The following EXT1 variants were observed in gnomAD, a reference collection of about 807,000 sequenced individuals.
EXT1 encodes the protein exostosin glycosyltransferase 1.
EXT1 carries 20 observed loss-of-function variants against 82.5 expected under a neutral mutation model. The ratio of observed to expected loss-of-function variants is 0.24; its 90% CI spans 0.17 to 0.35. The LOEUF (loss-of-function observed/expected upper bound fraction) is 0.35, where lower values mean the gene tolerates loss of function less well. Ranked by LOEUF, EXT1 falls within the 10% of genes least tolerant of loss-of-function variation. The pLI, the probability that EXT1 is intolerant of heterozygous loss-of-function variation, is 1.00. For synonymous variants in EXT1, 348 were observed against 350.8 expected (o/e 0.99, Z 0.09); for missense variants, 757 against 936.5 (o/e 0.81, Z 2.50).
chr8:117,883,116 C>G (rs535552513), intron 1 of EXT1, among the ~76,000 whole-genome samples: 1 of 152,024 alleles, frequency 6.6e-6, no homozygotes, highest in Non-Finnish European at 1.5e-5. Flanking sequence ...AAATTATGTT[C>G]GAATACTAAT....
At chr8:117,952,111 C>A (rs1029658229) in intron 1 of EXT1, among the ~76,000 whole-genome samples, 1 of 152,146 alleles carries the variant, frequency 6.6e-6, no homozygotes, top group African/African-American at 2.4e-5. Context: ...AAAAACACAG[C>A]TCCTAGTGGC....
chr8:117,884,472 G>A (rs1310935681), intron 1 of EXT1, among the ~76,000 whole-genome samples: 5 of 152,202 alleles, frequency 3.3e-5, no homozygotes, highest in Non-Finnish European at 7.3e-5. Context: ...ACTGCCAAAT[G>A]TAGAAGGTGG....
At chr8:117,962,016 G>A (rs994891061) in intron 1 of EXT1, among the ~76,000 whole-genome samples, 4 of 152,142 alleles carry the variant, frequency 2.6e-5, no homozygotes, top group African/African-American at 9.7e-5. Flanking sequence ...AAGGGTCAGT[G>A]CAGGGGAAAA....
chr8:117,844,937 C>T (rs1812329415), intron 1 of EXT1, among the ~76,000 whole-genome samples: 1 of 152,172 alleles, frequency 6.6e-6, no homozygotes, highest in East Asian at 1.9e-4. Flanking sequence ...CTCCCCACCT[C>T]CCCAGTCATG....
chr8:118,046,553 T>TG (rs1816626614), intron 1 of EXT1, among the ~76,000 whole-genome samples: 1 of 152,156 alleles, frequency 6.6e-6, no homozygotes, highest in Non-Finnish European at 1.5e-5. Flanking sequence ...AGGCAGTGAC[T>TG]GCAGAGCTCA....
At chr8:117,806,617 A>C (rs1823242159) in intron 9 of EXT1, among the ~76,000 whole-genome samples, 1 of 152,166 alleles carries the variant, frequency 6.6e-6, no homozygotes, top group South Asian at 2.1e-4. Context: ...TTCTCCTGCC[A>C]CAACACTCTT....
At position 117,795,200 on chromosome 8, in the gene EXT1, T is replaced by C. The variant is rs983453200; in HGVS notation, c.*4512A>G. ...AGGTTTGCCTTCTTCTCCTAGTTGC[T>C]GGGCCATGTTAAGTTCCAATTCTGG... On this transcript the variant is annotated 3_prime_UTR_variant, in exon 11 of 11. Transcript: ENST00000378204. 6 of 152,248 alleles carry C rather than the reference T, an allele frequency of 3.9e-5. No homozygotes were observed. The highest frequency in any genetic ancestry group is 1.2e-4 in the African/African-American group (5 of 41,458). The allele number at this position is 152,248 out of a possible 1,614,324, so 9.4% of individuals were successfully genotyped here.
chr8:118,043,352 C>G (rs1159676317), intron 1 of EXT1, among the ~76,000 whole-genome samples: 1 of 152,162 alleles, frequency 6.6e-6, no homozygotes, highest in Non-Finnish European at 1.5e-5. Context: ...AAACTTGATA[C>G]CTGCAGGGAA....
intron 1 of EXT1, among the ~76,000 whole-genome samples, chr8:117,980,697 G>C (rs76801182): frequency 3.6e-5 from 1 of 27,584 alleles, no homozygotes; most frequent in Admixed American, 5.7e-4. Context: ...GGGTGTTGGT[G>C]GTTTTTTTTT....
At chr8:117,912,271 C>T (rs1412352598) in intron 1 of EXT1, among the ~76,000 whole-genome samples, 2 of 152,178 alleles carry the variant, frequency 1.3e-5, no homozygotes, top group Non-Finnish European at 2.9e-5. Context: ...ATCTTGCCAT[C>T]ATTAGAGATT....
At chr8:117,919,040 C>T (rs1338248901) in intron 1 of EXT1, among the ~76,000 whole-genome samples, 1 of 151,988 alleles carries the variant, frequency 6.6e-6, no homozygotes, top group African/African-American at 2.4e-5. Flanking sequence ...GAATTCAATA[C>T]AGCTTACCTC....
chr8:117,815,026 A>C (rs1586994266), intron 7 of EXT1, among the ~76,000 whole-genome samples: 2 of 152,214 alleles, frequency 1.3e-5, no homozygotes, highest in African/African-American at 4.8e-5. Context: ...AACTGGGTCA[A>C]GTTTTTTGTT....
intron 1 of EXT1, among the ~76,000 whole-genome samples, chr8:118,106,690 A>G (rs1817807727): frequency 6.6e-6 from 1 of 152,224 alleles, no homozygotes. Context: ...TTTCACAATA[A>G]TGCCCTTTGT....
chr8:118,050,296 T>C (rs908443514), intron 1 of EXT1, among the ~76,000 whole-genome samples: 1 of 152,238 alleles, frequency 6.6e-6, no homozygotes, highest in African/African-American at 2.4e-5. Context: ...GTGAGGTATT[T>C]GGCAGCATGC....
intron 1 of EXT1, among the ~76,000 whole-genome samples, chr8:118,104,688 T>C (rs1817777781): frequency 6.6e-6 from 1 of 152,202 alleles, no homozygotes; most frequent in Admixed American, 6.5e-5. Context: ...CATTGTATAC[T>C]TAGAGTTGGA....
intron 1 of EXT1, among the ~76,000 whole-genome samples, chr8:117,839,715 C>T (rs62521107): frequency 0.013 from 1,934 of 152,312 alleles, 25 homozygotes; most frequent in Non-Finnish European, 0.021. Context: ...AGTTTGACCA[C>T]GTGCTTGATC....
At chr8:117,825,453 A>G (rs1811994832) in intron 4 of EXT1, among the ~76,000 whole-genome samples, 1 of 152,184 alleles carries the variant, frequency 6.6e-6, no homozygotes, top group African/African-American at 2.4e-5. Context: ...TTCTTTGGCT[A>G]TAAACAAAAT....
intron 10 of EXT1, 76 bp from the exon 11 acceptor site, chr8:117,799,973 T>C (rs770721918): frequency 1.4e-4 from 215 of 1,492,350 alleles, no homozygotes; most frequent in Non-Finnish European, 1.9e-4. Flanking sequence ...GAAAATGGAG[T>C]CAGGCAAATG....
chr8:117,811,913 CACA>C, intron 8 of EXT1, among the ~76,000 whole-genome samples: 1 of 152,286 alleles, frequency 6.6e-6, no homozygotes, highest in South Asian at 2.1e-4. Flanking sequence ...CGCGTCAGGC[CACA>C]TCTGTGGAAT....
Sources: allele counts gnomAD v4.1 joint callset (sites outside exome capture counted in the v4.1 genomes callset), GRCh38; gene constraint gnomAD v4.1.1; transcripts MANE v1.5; gene names NCBI Gene and HGNC (gene_info 2026-07-23, HGNC 2026-07-21).